Variants in NCOA3 observed in about 807,000 individuals in gnomAD.
NCOA3 encodes the protein CBP-interacting protein.
NCOA3 carries 51 observed loss-of-function variants against 158.8 expected under a neutral mutation model. The observed-to-expected ratio is 0.32, with a 90% confidence interval of 0.26 to 0.41. The LOEUF is 0.41. NCOA3 is among the 10% of genes least tolerant of loss of function. The probability of loss-of-function intolerance (pLI) is 1.00; values close to 1 mark genes in which losing one functional copy is unlikely to be tolerated. For missense variants in NCOA3, 1,510 were observed against 1,746.6 expected, an observed-to-expected ratio of 0.86 and a Z score of 2.41; for synonymous variants, 537 against 592.4, an observed-to-expected ratio of 0.91 and a Z score of 1.36.
At chr20:47,583,552 T>C (rs1055677246) in intron 2 of NCOA3, among the ~76,000 whole-genome samples, 3 of 152,218 alleles carry the variant, frequency 2.0e-5, no homozygotes, top group African/African-American at 2.4e-5. Flanking sequence ...TCCTCTTGCC[T>C]AGAAGCCTCA....
At chr20:47,648,018 G>T (rs1403323532) in intron 18 of NCOA3, among the ~76,000 whole-genome samples, 1 of 151,114 alleles carries the variant, frequency 6.6e-6, no homozygotes, top group African/African-American at 2.4e-5. Context: ...GGGTTCAGGT[G>T]ATTCTCATGC....
intron 1 of NCOA3, among the ~76,000 whole-genome samples, chr20:47,539,015 A>C (rs1206345161): frequency 1.3e-5 from 2 of 152,230 alleles, no homozygotes; most frequent in Admixed American, 6.5e-5. Flanking sequence ...TCAAGACTTC[A>C]CTTTGCCTTT....
intron 1 of NCOA3, among the ~76,000 whole-genome samples, chr20:47,510,921 C>G (rs890182479): frequency 6.6e-6 from 1 of 152,072 alleles, no homozygotes; most frequent in African/African-American, 2.4e-5. Context: ...TACCACTCTT[C>G]TAAGTCTTGA....
At chr20:47,621,728 C>T (rs2146296772) in intron 2 of NCOA3, among the ~76,000 whole-genome samples, 1 of 146,396 alleles carries the variant, frequency 6.8e-6, no homozygotes, top group East Asian at 2.0e-4. Context: ...CATCTCGGCT[C>T]ACTGCAACGT....
intron 2 of NCOA3, among the ~76,000 whole-genome samples, chr20:47,603,122 A>G (rs1403085191): frequency 2.0e-5 from 3 of 152,240 alleles, no homozygotes; most frequent in Non-Finnish European, 4.4e-5. Context: ...AAAACATTTT[A>G]AGTGCCATAA....
intron 1 of NCOA3, among the ~76,000 whole-genome samples, chr20:47,528,296 T>G (rs2084489529): frequency 6.6e-6 from 1 of 152,228 alleles, no homozygotes; most frequent in African/African-American, 2.4e-5. Context: ...TCTACTGTAC[T>G]TAACTATGTT....
At chr20:47,527,632 T>C (rs147077355) in intron 1 of NCOA3, among the ~76,000 whole-genome samples, 238 of 152,316 alleles carry the variant, frequency 1.6e-3, no homozygotes, top group African/African-American at 5.5e-3. Context: ...CTTGGACAAA[T>C]ATCTAGGAGG....
intron 17 of NCOA3, among the ~76,000 whole-genome samples, chr20:47,643,054 G>C (rs1336114820): frequency 2.0e-5 from 3 of 152,166 alleles, no homozygotes; most frequent in Non-Finnish European, 2.9e-5. Flanking sequence ...GTGATTACAG[G>C]CACCCGCCAC....
At chr20:47,605,088 G>T (rs539126992) in intron 2 of NCOA3, among the ~76,000 whole-genome samples, 3 of 152,084 alleles carry the variant, frequency 2.0e-5, no homozygotes, top group Non-Finnish European at 4.4e-5. Flanking sequence ...GGATGGTCTC[G>T]ATCTCTTGAC....
intron 1 of NCOA3, among the ~76,000 whole-genome samples, chr20:47,521,000 C>T (rs2084323170): frequency 6.6e-6 from 1 of 152,246 alleles, no homozygotes; most frequent in Non-Finnish European, 1.5e-5. Flanking sequence ...CATTCACGCA[C>T]ATACACATTT....
chr20:47,548,583 A>T (rs923286291), intron 1 of NCOA3, among the ~76,000 whole-genome samples: 4 of 152,128 alleles, frequency 2.6e-5, no homozygotes, highest in Non-Finnish European at 5.9e-5. Context: ...TTAAAAAAAA[A>T]TCTTTTTTAC....
rs150607495 is a variant in NCOA3, at chr20:47,593,738, A to G, written c.-20+10477A>G. Among the ~76,000 whole-genome samples, 7 of 152,308 alleles carry G rather than the reference A, an allele frequency of 4.6e-5. No homozygotes were observed. The East Asian group carries it at 1.3e-3, about 29-fold the overall frequency. On this transcript the variant is annotated intron_variant, in intron 2 of 22. Transcript: ENST00000371998. ...TTATAAAGTTTGGTAAAGGAATGAA[A>G]GCATTACTAAGCCAGGATAATTATC...
chr20:47,596,107 T>C (rs1184503959), intron 2 of NCOA3, among the ~76,000 whole-genome samples: 3 of 152,244 alleles, frequency 2.0e-5, no homozygotes, highest in Non-Finnish European at 4.4e-5. Flanking sequence ...GGTCAGTTCG[T>C]ATAGTGTACC....
intron 1 of NCOA3, among the ~76,000 whole-genome samples, chr20:47,515,117 G>A (rs1005915911): frequency 6.6e-5 from 10 of 151,708 alleles, no homozygotes; most frequent in African/African-American, 2.4e-4. Context: ...ACTGCCCAGG[G>A]ACAGACACAC....
rs2086521416 is a variant in NCOA3, at chr20:47,636,653, A to G, written c.2267A>G (p.Gln756Arg). Residue 756 changes from glutamine to arginine, a missense_variant, in exon 12 of 23, where the codon CAG (glutamine) becomes CGG (arginine). Gln to Arg is a conservative substitution (Grantham distance 43). Around this residue, in one of 4 missense-constraint regions of NCOA3, gnomAD observed 1,017 missense variants for 1,098.3 expected, o/e 0.93. Coordinates refer to ENST00000371998, the MANE Select transcript of NCOA3 (RefSeq NM_181659.3). The stretch of plus-strand genomic sequence containing the variant: ...AGTGATGCACTCTCTAAAGAACTAC[A>G]GCCCCAAGTGGAAGGAGTGGATAAT... The part of the protein sequence containing the change: ...DPSDALSKEL[Q>R]PQVEGVDNKM... 1 of 1,614,228 alleles carries G rather than the reference A, an allele frequency of 6.2e-7. No individual in the cohort carries two copies. The highest frequency in any genetic ancestry group is 8.5e-7 in the Non-Finnish European group (1 of 1,180,034).
At position 47,654,746 on chromosome 20, in the gene NCOA3, T is replaced by C. The variant is rs989721919; in HGVS notation, c.*1329T>C. On this transcript the variant is annotated 3_prime_UTR_variant, in exon 23 of 23. Transcript: ENST00000371998. ...TTAATTTGGGGGGAAAGAATAGATA[T>C]GGGGAAATAAACTTAAAAAAAAATC... 11 of 152,108 alleles carry C rather than the reference T, an allele frequency of 7.2e-5. No individual in the cohort carries two copies. The highest frequency in any genetic ancestry group is 1.3e-4 in the Non-Finnish European group (9 of 67,980). 9.4% of individuals were successfully genotyped at this position (152,108 alleles called of 1,614,324 possible). A position where few individuals can be genotyped will look rare whatever the true frequency, so the allele number is the denominator to read the frequency against.
rs2086839592 is a variant in NCOA3 at position 47,654,229 on chromosome 20, C to A, written c.*812C>A. 1 of 152,468 alleles carries A rather than the reference C, an allele frequency of 6.6e-6. No individual in the cohort carries two copies. 9.4% of individuals were successfully genotyped at this position (152,468 alleles called of 1,614,324 possible). A position where few individuals can be genotyped will look rare whatever the true frequency, so the allele number is the denominator to read the frequency against. On this transcript the variant is annotated 3_prime_UTR_variant, in exon 23 of 23. Transcript: ENST00000371998. ...TTTTTGCCTACACTTACGTGTTAGACAAGAACTATGATTTTTTTTTTTAAA... is the reference window on the plus strand; with the variant it reads ...TTTTTGCCTACACTTACGTGTTAGAAAAGAACTATGATTTTTTTTTTTAAA...
In NCOA3 at chr20:47,610,793, A is replaced by G. The variant is rs533776233; in HGVS notation, c.-19-11436A>G. On this transcript the variant is annotated intron_variant, in intron 2 of 22. Transcript: ENST00000371998. ...TGAAAAATCAACCCAAAAGTCTTTT[A>G]TTAGCTTTACATTTATTTCTACAGT... 9.8e-5 allele frequency among the ~76,000 whole-genome samples: 15 copies of G among 152,308 alleles called. No homozygotes were observed. The East Asian group carries it at 2.9e-3, about 29-fold the overall frequency.
intron 1 of NCOA3, among the ~76,000 whole-genome samples, chr20:47,538,027 C>T (rs1404041819): frequency 6.6e-6 from 1 of 151,924 alleles, no homozygotes; most frequent in African/African-American, 2.4e-5. Context: ...TTACAGGTGC[C>T]TGCCACCATG....
Sources: allele counts gnomAD v4.1 joint callset (sites outside exome capture counted in the v4.1 genomes callset), GRCh38; gene constraint gnomAD v4.1.1; regional missense constraint gnomAD v4.1.1; transcripts MANE v1.5; gene names NCBI Gene and HGNC (gene_info 2026-07-23, HGNC 2026-07-21).